Variants in NSMAF observed in about 807,000 individuals in gnomAD.
The protein encoded by NSMAF is neutral sphingomyelinase activation associated factor.
A neutral mutation model predicts 134.9 loss-of-function variants in NSMAF; 90 were observed. The ratio of observed to expected loss-of-function variants is 0.67; its 90% CI spans 0.56 to 0.79. The LOEUF (loss-of-function observed/expected upper bound fraction) is 0.79, where lower values mean the gene tolerates loss of function less well. Among genes scored for constraint, NSMAF ranks in the 30% least tolerant of loss-of-function variants. The pLI is 0.00. For synonymous variants in NSMAF, 358 were observed against 389.6 expected (o/e 0.92, Z 0.96); for missense variants, 1,010 against 1,119.0 (o/e 0.90, Z 1.39).
chr8:58,634,169 A>G (rs1218247948), intron 5 of NSMAF, among the ~76,000 whole-genome samples: 5 of 152,172 alleles, frequency 3.3e-5, no homozygotes, highest in Non-Finnish European at 5.9e-5. Flanking sequence ...CTGTCTTCAC[A>G]TATACCAGTT....
intron 13 of NSMAF, 47 bp downstream of exon 13, chr8:58,603,163 G>T: frequency 6.5e-7 from 1 of 1,537,624 alleles, no homozygotes; most frequent in Non-Finnish European, 9.0e-7. Context: ...CAATACAGAT[G>T]ACTACTCCCC....
chr8:58,595,826 G>T, intron 21 of NSMAF, 167 bp from the exon 22 acceptor site: 2 of 537,794 alleles, frequency 3.7e-6, no homozygotes, highest in Non-Finnish European at 6.7e-6. Flanking sequence ...CGTTAGTCAA[G>T]GAAAAAATTG....
intron 21 of NSMAF, among the ~76,000 whole-genome samples, chr8:58,596,896 A>T (rs528190532): frequency 1.2e-4 from 18 of 149,474 alleles, no homozygotes; most frequent in Admixed American, 4.7e-4. Flanking sequence ...GCGCCACTGC[A>T]CTCCAGCGTG....
At chr8:58,592,005 C>G (rs1385518899) in intron 23 of NSMAF, among the ~76,000 whole-genome samples, 2 of 152,138 alleles carry the variant, frequency 1.3e-5, no homozygotes, top group Admixed American at 1.3e-4. Context: ...TAAACATGAG[C>G]CTCAATAAGA....
At position 58,632,989 on chromosome 8, in the gene NSMAF, G is replaced by A. The variant is rs1473560880; in HGVS notation, c.334-1443C>T. Among the ~76,000 whole-genome samples the A allele has an allele frequency of 2.6e-5, 4 of 152,144 alleles. 1 individual carries two copies. The highest frequency in any genetic ancestry group is 1.3e-4 in the Admixed American group (2 of 15,294). ...TAGACAATGACCACCTCTCACCATCGTGGTTCAATACACTTGGATTCCTGG... is the reference window on the plus strand; with the variant it reads ...TAGACAATGACCACCTCTCACCATCATGGTTCAATACACTTGGATTCCTGG... On this transcript the variant is annotated intron_variant, in intron 5 of 30. Coordinates refer to ENST00000038176, the MANE Select transcript of NSMAF (RefSeq NM_003580.4).
intron 1 of NSMAF, 90 bp downstream of exon 1, chr8:58,659,483 C>T (rs1378162916): frequency 1.3e-6 from 2 of 1,495,988 alleles, no homozygotes; most frequent in Admixed American, 4.3e-5. Context: ...GCCCCCACGC[C>T]GCCTCCCGTC....
At chr8:58,622,035 T>A (rs928809473) in intron 9 of NSMAF, among the ~76,000 whole-genome samples, 1 of 152,230 alleles carries the variant, frequency 6.6e-6, no homozygotes, top group Non-Finnish European at 1.5e-5. Flanking sequence ...CGTCATGAAA[T>A]CTTTGCTGGG....
At chr8:58,591,233 G>A (rs886278759) in intron 23 of NSMAF, among the ~76,000 whole-genome samples, 2 of 152,100 alleles carry the variant, frequency 1.3e-5, no homozygotes, top group Non-Finnish European at 2.9e-5. Flanking sequence ...GCTGGTATAT[G>A]CAGAAAGTTA....
At chr8:58,618,230 C>T (rs533616330) in intron 9 of NSMAF, among the ~76,000 whole-genome samples, 2 of 152,158 alleles carry the variant, frequency 1.3e-5, no homozygotes, top group East Asian at 3.9e-4. Context: ...TTGACGGGTG[C>T]AGCAATCCAA....
intron 5 of NSMAF, among the ~76,000 whole-genome samples, chr8:58,633,004 T>TG (rs1423972632): frequency 2.0e-5 from 3 of 152,184 alleles, no homozygotes; most frequent in Admixed American, 2.0e-4. Context: ...TCAATACACT[T>TG]GGATTCCTGG....
chr8:58,645,136 G>A (rs964101550), intron 1 of NSMAF, among the ~76,000 whole-genome samples: 1 of 151,236 alleles, frequency 6.6e-6, no homozygotes, highest in Non-Finnish European at 1.5e-5. Flanking sequence ...AAAAGAAATT[G>A]CAGTATCAGG....
chr8:58,587,552 C>G, intron 27 of NSMAF, 66 bp downstream of exon 27: 1 of 1,383,276 alleles, frequency 7.2e-7, no homozygotes, highest in East Asian at 2.3e-5. Flanking sequence ...AACCAAAAAC[C>G]TTCTTCCAGC....
intron 2 of NSMAF, 138 bp from the exon 3 acceptor site, chr8:58,635,684 C>T: frequency 1.8e-6 from 1 of 559,546 alleles, no homozygotes; most frequent in Non-Finnish European, 3.1e-6. Flanking sequence ...GAGAACGTCT[C>T]TATTTTTAAA....
chr8:58,603,139 C>T (rs1806323316), intron 13 of NSMAF, 71 bp downstream of exon 13: 5 of 1,390,854 alleles, frequency 3.6e-6, no homozygotes, highest in Middle Eastern at 1.8e-4. Context: ...AGAATTTATT[C>T]TGTCCTTTAA....
chr8:58,606,026 C>A lies in NSMAF; in HGVS notation c.769G>T (p.Val257Leu), dbSNP rs760570216. The part of the protein sequence containing the change: ...RHGLMPLGLE[V>L]FCTEDDLCSD... ...CACAGATCATCTTCTGTGCAAAATA[C>A]TTCCAAGCCCTATAAATTCAAAAAG... The change falls in exon 12 of 31, where the codon GTA (valine) becomes TTA (leucine). Residue 257 changes from valine (V) to leucine (L), a missense_variant. Coordinates refer to ENST00000038176, the MANE Select transcript of NSMAF (RefSeq NM_003580.4). 5 of 1,579,810 alleles carry A rather than the reference C, an allele frequency of 3.2e-6. No homozygotes were observed. The South Asian group carries it at 3.6e-5, about 12-fold the overall frequency.
At chr8:58,618,769 G>C (rs1453935955) in intron 9 of NSMAF, among the ~76,000 whole-genome samples, 1 of 152,036 alleles carries the variant, frequency 6.6e-6, no homozygotes, top group Non-Finnish European at 1.5e-5. Context: ...AAAATAAAAA[G>C]TATTAAAAAT....
intron 1 of NSMAF, among the ~76,000 whole-genome samples, chr8:58,648,951 C>T (rs893493311): frequency 6.6e-6 from 1 of 152,228 alleles, no homozygotes; most frequent in Admixed American, 6.5e-5. Flanking sequence ...ATAGTCCCCA[C>T]CAAGTGGAGT....
At chr8:58,633,609 C>G (rs1253391269) in intron 5 of NSMAF, among the ~76,000 whole-genome samples, 2 of 152,166 alleles carry the variant, frequency 1.3e-5, no homozygotes, top group African/African-American at 2.4e-5. Context: ...TTGTTCTTCC[C>G]TAGATTGCCA....
chr8:58,605,755 C>T (rs1806390646), intron 12 of NSMAF, among the ~76,000 whole-genome samples, 172 bp downstream of exon 12: 1 of 151,912 alleles, frequency 6.6e-6, no homozygotes, highest in Non-Finnish European at 1.5e-5. Flanking sequence ...TAGCGGGCAC[C>T]TGTAGTCCCA....
Sources: gnomAD v4.1 joint callset for allele counts (sites outside exome capture counted in the v4.1 genomes callset) on GRCh38, gnomAD v4.1.1 for gene constraint, MANE v1.5 for transcripts, NCBI Gene and HGNC (gene_info 2026-07-23, HGNC 2026-07-21) for gene names.